RNF150: variants seen among roughly 807,000 people sequenced by gnomAD.
The protein encoded by RNF150 is ring finger protein 150.
In RNF150, 24 loss-of-function variants were observed where a neutral mutation model predicts 39.3. The ratio of observed to expected loss-of-function variants is 0.61; its 90% CI spans 0.44 to 0.86. The LOEUF (loss-of-function observed/expected upper bound fraction) is 0.86. RNF150 is among the 40% of genes least tolerant of loss of function. RNF150 has a pLI of 0.00. For missense variants in RNF150, 502 were observed against 587.8 expected (o/e 0.85, Z 1.51); for synonymous variants, 255 against 227.3 (o/e 1.12, Z -1.10).
chr4:141,054,213 T>A (rs770716259), intron 1 of RNF150, among the ~76,000 whole-genome samples: 2 of 152,186 alleles, frequency 1.3e-5, no homozygotes, highest in Non-Finnish European at 2.9e-5. Flanking sequence ...GTTTCTATAG[T>A]TATCGCTAGT....
intron 1 of RNF150, among the ~76,000 whole-genome samples, chr4:141,157,117 G>T (rs908040287): frequency 6.6e-6 from 1 of 152,078 alleles, no homozygotes; most frequent in Non-Finnish European, 1.5e-5. Flanking sequence ...AAACTCAGAT[G>T]CTTTCTGCTC....
At chr4:140,974,893 C>T (rs1472884734) in intron 1 of RNF150, among the ~76,000 whole-genome samples, 2 of 151,964 alleles carry the variant, frequency 1.3e-5, no homozygotes, top group Non-Finnish European at 2.9e-5. Flanking sequence ...TGCATGGGTC[C>T]GCTAATACAT....
chr4:141,111,841 T>C (rs2321862), intron 1 of RNF150, among the ~76,000 whole-genome samples: 9,122 of 152,238 alleles, frequency 0.06, 830 homozygotes, highest in African/African-American at 0.19. Flanking sequence ...GTAATAATAA[T>C]AAGAGTGTCG....
At chr4:141,144,008 T>C (rs2111129827) in intron 1 of RNF150, among the ~76,000 whole-genome samples, 1 of 152,356 alleles carries the variant, frequency 6.6e-6, no homozygotes, top group East Asian at 1.9e-4. Flanking sequence ...TTACTTGCTT[T>C]TTATACTCTC....
At chr4:141,037,288 T>G (rs1181286964) in intron 1 of RNF150, among the ~76,000 whole-genome samples, 1 of 152,326 alleles carries the variant, frequency 6.6e-6, no homozygotes, top group East Asian at 1.9e-4. Flanking sequence ...AAATAGCCAG[T>G]GTAAATTAAA....
chr4:140,955,234 A>G (rs1732705359), intron 2 of RNF150, among the ~76,000 whole-genome samples: 1 of 152,232 alleles, frequency 6.6e-6, no homozygotes, highest in East Asian at 1.9e-4. Context: ...CTAGAAAAAT[A>G]GGTAAAATAA....
intron 1 of RNF150, among the ~76,000 whole-genome samples, chr4:141,192,318 A>C (rs1352687978): frequency 6.6e-6 from 1 of 152,200 alleles, no homozygotes; most frequent in Non-Finnish European, 1.5e-5. Flanking sequence ...CAAAAATGCA[A>C]GATAGGAAAA....
rs1157729196 is a variant in RNF150 at position 140,867,453 on chromosome 4, CA to C, written c.*807del. On this transcript the variant is annotated 3_prime_UTR_variant, in exon 7 of 7. Transcript: ENST00000515673. ...GGACTTCTGAGTTCAGAATTTCAGC[CA>C]AAGACTGTAAGACCCAGAAGAATGA... 1 of 152,178 alleles carries C rather than the reference CA, an allele frequency of 6.6e-6. No homozygotes were observed. Among genetic ancestry groups the C allele is most frequent in the Non-Finnish European group, 1.5e-5 (1 of 68,036 alleles). The allele number at this position is 152,178 out of a possible 1,614,324, so 9.4% of individuals were successfully genotyped here.
intron 1 of RNF150, among the ~76,000 whole-genome samples, chr4:141,006,778 C>G (rs1405641360): frequency 6.6e-6 from 1 of 152,194 alleles, no homozygotes; most frequent in Non-Finnish European, 1.5e-5. Flanking sequence ...CTCTTTTTAT[C>G]TACTTGCAGT....
intron 5 of RNF150, among the ~76,000 whole-genome samples, chr4:140,923,355 A>T (rs78522795): frequency 0.55 from 83,821 of 152,010 alleles, 23,583 homozygotes; most frequent in East Asian, 0.89. Context: ...ATGCAGCCAA[A>T]AGACACATGA....
chr4:141,203,512 A>G (rs1395861197), intron 1 of RNF150, among the ~76,000 whole-genome samples: 1 of 151,830 alleles, frequency 6.6e-6, no homozygotes, highest in African/African-American at 2.4e-5. Flanking sequence ...TCTGGTCACC[A>G]TTTCCTCCTC....
intron 1 of RNF150, among the ~76,000 whole-genome samples, chr4:141,197,088 C>T (rs563538564): frequency 2.0e-5 from 3 of 152,220 alleles, no homozygotes; most frequent in African/African-American, 7.2e-5. Context: ...CTCCTTTGCG[C>T]TATTTCCTTT....
chr4:140,992,445 AC>A, intron 1 of RNF150, among the ~76,000 whole-genome samples: 1 of 152,222 alleles, frequency 6.6e-6, no homozygotes, highest in South Asian at 2.1e-4. Flanking sequence ...AAGGAATAAA[AC>A]AGAATGTTGA....
At chr4:140,905,216 A>G (rs1467832366) in intron 6 of RNF150, among the ~76,000 whole-genome samples, 2 of 152,000 alleles carry the variant, frequency 1.3e-5, no homozygotes, top group Non-Finnish European at 2.9e-5. Context: ...ACATATATGC[A>G]TATATATACA....
chr4:141,209,008 G>T lies in RNF150; in HGVS notation c.-6+3786C>A, dbSNP rs571914584. ...AAGAGTAAGTTTGAATAATTAACTG[G>T]TTTTTTTCAGCAAATGGAAGCAAGC... is the stretch of plus-strand genomic sequence containing the variant. On this transcript the variant is annotated intron_variant, in intron 1 of 7. Transcript: ENST00000420921. 8.7e-4 allele frequency among the ~76,000 whole-genome samples: 132 copies of T among 152,156 alleles called. 2 individuals are homozygous for T. The highest frequency in any genetic ancestry group is 2.9e-3 in the African/African-American group (120 of 41,498).
intron 1 of RNF150, among the ~76,000 whole-genome samples, chr4:141,078,807 AAATATAT>A (rs1224452547): frequency 1.2e-4 from 4 of 34,512 alleles, no homozygotes; most frequent in East Asian, 2.6e-3. Context: ...AAAAAAAAAA[AAATATAT>A]ATATATATAT....
At chr4:141,018,580 G>T (rs1240912336) in intron 1 of RNF150, among the ~76,000 whole-genome samples, 2 of 152,082 alleles carry the variant, frequency 1.3e-5, no homozygotes, top group African/African-American at 2.4e-5. Flanking sequence ...TATAGGCCTT[G>T]CCTGTGATTC....
chr4:140,970,444 A>G (rs1158771992), intron 1 of RNF150, among the ~76,000 whole-genome samples: 1 of 151,488 alleles, frequency 6.6e-6, no homozygotes, highest in Non-Finnish European at 1.5e-5. Context: ...ACTATCTGGT[A>G]GCCTAACTCT....
chr4:141,200,280 G>A (rs143462916), intron 1 of RNF150, among the ~76,000 whole-genome samples: 3 of 152,114 alleles, frequency 2.0e-5, no homozygotes, highest in Non-Finnish European at 4.4e-5. Context: ...GTTCTCTAGG[G>A]CCTCTTTTAT....
Sources: gnomAD v4.1 joint callset for allele counts (sites outside exome capture counted in the v4.1 genomes callset) on GRCh38, gnomAD v4.1.1 for gene constraint, MANE v1.5 for transcripts, NCBI Gene and HGNC (gene_info 2026-07-23, HGNC 2026-07-21) for gene names.